PRKCA: variants seen among roughly 807,000 people sequenced by gnomAD.
The protein encoded by PRKCA is protein kinase C alpha.
In PRKCA, 27 loss-of-function variants were observed where a neutral mutation model predicts 87.0. The observed-to-expected ratio is 0.31, with a 90% CI of 0.23 to 0.43. The LOEUF (loss-of-function observed/expected upper bound fraction) is 0.43, where lower values mean the gene tolerates loss of function less well. Ranked by LOEUF, PRKCA falls within the 20% of genes least tolerant of loss-of-function variation. The pLI, the probability that PRKCA is intolerant of heterozygous loss-of-function variation, is 1.00. For synonymous variants in PRKCA, 329 were observed against 311.1 expected (o/e 1.06, Z -0.61); for missense variants, 518 against 852.3 (o/e 0.61, Z 4.88).
At chr17:66,521,271 A>G (rs1052792260) in intron 3 of PRKCA, among the ~76,000 whole-genome samples, 2 of 152,210 alleles carry the variant, frequency 1.3e-5, no homozygotes, top group African/African-American at 4.8e-5. Flanking sequence ...GTAGAAGTCC[A>G]AAGATGGTAA....
intron 3 of PRKCA, among the ~76,000 whole-genome samples, chr17:66,502,079 A>G (rs556515232): frequency 6.6e-6 from 1 of 152,218 alleles, no homozygotes; most frequent in South Asian, 2.1e-4. Context: ...CTGTTCTTAG[A>G]AGAGTTTCTA....
chr17:66,765,163 C>G (rs1290840415), intron 13 of PRKCA, among the ~76,000 whole-genome samples: 1 of 152,006 alleles, frequency 6.6e-6, no homozygotes, highest in Admixed American at 6.6e-5. Context: ...CCTGTAATCC[C>G]AGCGCTTTGG....
intron 3 of PRKCA, among the ~76,000 whole-genome samples, chr17:66,596,589 TTTTA>T (rs1969986911): frequency 6.8e-6 from 1 of 147,710 alleles, no homozygotes; most frequent in African/African-American, 2.5e-5. Context: ...TTTTTTTTTT[TTTTA>T]TTATACTCTA....
At chr17:66,439,178 CT>C (rs1913578132) in intron 2 of PRKCA, among the ~76,000 whole-genome samples, 1 of 146,680 alleles carries the variant, frequency 6.8e-6, no homozygotes, top group South Asian at 2.2e-4. Flanking sequence ...ACCCACTTTT[CT>C]TTTCTTTCTT....
chr17:66,802,641 C>T (rs987780562), intron 16 of PRKCA, among the ~76,000 whole-genome samples: 5 of 152,170 alleles, frequency 3.3e-5, no homozygotes, highest in South Asian at 2.1e-4. Context: ...ACTAGCAGCA[C>T]GTGCTGGCCT....
At chr17:66,468,386 A>G (rs1019142129) in intron 2 of PRKCA, among the ~76,000 whole-genome samples, 32 of 152,292 alleles carry the variant, frequency 2.1e-4, no homozygotes, top group African/African-American at 7.7e-4. Context: ...TGTGGGAGGC[A>G]CACATTTGCT....
At chr17:66,617,958 C>G (rs1970559874) in intron 3 of PRKCA, among the ~76,000 whole-genome samples, 1 of 152,140 alleles carries the variant, frequency 6.6e-6, no homozygotes, top group South Asian at 2.1e-4. Context: ...TTAGTTGCCC[C>G]AACGTGGTGC....
At chr17:66,682,640 G>A (rs1212255505) in intron 5 of PRKCA, among the ~76,000 whole-genome samples, 1 of 152,228 alleles carries the variant, frequency 6.6e-6, no homozygotes, top group Non-Finnish European at 1.5e-5. Context: ...TGAAAGTTGA[G>A]TTGGCATGAT....
intron 13 of PRKCA, among the ~76,000 whole-genome samples, chr17:66,761,657 C>T (rs949843880): frequency 1.3e-5 from 2 of 151,860 alleles, no homozygotes; most frequent in Non-Finnish European, 2.9e-5. Context: ...CTCCTGACCT[C>T]AAGTAATCTG....
intron 2 of PRKCA, among the ~76,000 whole-genome samples, chr17:66,311,387 G>A (rs1024405006): frequency 1.3e-5 from 2 of 152,108 alleles, no homozygotes; most frequent in African/African-American, 2.4e-5. Flanking sequence ...AGGTTGAGGC[G>A]GTCGAATTGC....
In PRKCA at chr17:66,324,835, G is replaced by T. The variant is rs898321939; in HGVS notation, c.205+18708G>T. 5.3e-5 allele frequency among the ~76,000 whole-genome samples: 8 copies of T among 152,150 alleles called. 1 individual carries two copies. Among genetic ancestry groups the T allele is most frequent in the Admixed American group, 5.2e-4 (8 of 15,270 alleles). ...TGGCAGATAACACTCATTAGTCACG[G>T]TCTTCATTCAGCTTCAGAATTCTTC... On this transcript the variant is annotated intron_variant, in intron 2 of 16. Coordinates refer to ENST00000413366, the MANE Select transcript of PRKCA (RefSeq NM_002737.3).
intron 3 of PRKCA, among the ~76,000 whole-genome samples, chr17:66,536,748 G>A (rs531146537): frequency 3.9e-5 from 6 of 152,302 alleles, no homozygotes; most frequent in Admixed American, 6.5e-5. Flanking sequence ...CTCTTCTCCC[G>A]TGGGAATTGC....
intron 3 of PRKCA, among the ~76,000 whole-genome samples, chr17:66,558,343 T>C (rs911362950): frequency 6.6e-6 from 1 of 152,350 alleles, no homozygotes. Flanking sequence ...CAGTAGGTGC[T>C]ATGTAGGCGA....
At chr17:66,309,720 G>GT (rs1904999722) in intron 2 of PRKCA, among the ~76,000 whole-genome samples, 2 of 152,096 alleles carry the variant, frequency 1.3e-5, no homozygotes, top group Admixed American at 1.3e-4. Flanking sequence ...TTGGTTGAAT[G>GT]TTTTTTTGCT....
intron 3 of PRKCA, among the ~76,000 whole-genome samples, chr17:66,607,688 C>T (rs923817038): frequency 2.0e-5 from 3 of 152,116 alleles, no homozygotes; most frequent in African/African-American, 7.2e-5. Context: ...AGATTCCACC[C>T]TCTGTTAGCT....
rs147252625 is a variant in PRKCA at position 66,740,564 on chromosome 17, A to C, written c.1323-1095A>C. On this transcript the variant is annotated intron_variant, in intron 11 of 16. Coordinates refer to ENST00000413366, the MANE Select transcript of PRKCA (RefSeq NM_002737.3). ...GCAGAATAGGGAAATCTTTGGTTGC[A>C]AGCTTTAAAAGTGTGAAGGGGGATT... Among the ~76,000 whole-genome samples the C allele has an allele frequency of 6.0e-3, 908 of 152,286 alleles. 13 individuals carry two copies. The highest frequency in any genetic ancestry group is 0.021 in the African/African-American group (866 of 41,542).
intron 2 of PRKCA, among the ~76,000 whole-genome samples, chr17:66,490,395 G>C (rs934524626): frequency 6.7e-6 from 1 of 149,986 alleles, no homozygotes; most frequent in Non-Finnish European, 1.5e-5. Flanking sequence ...CCATGCTGGA[G>C]TGCAATGGCA....
chr17:66,708,571 A>G (rs965974570), intron 8 of PRKCA, among the ~76,000 whole-genome samples: 3 of 152,208 alleles, frequency 2.0e-5, no homozygotes, highest in African/African-American at 7.2e-5. Flanking sequence ...CAATTGTATC[A>G]AGGTGTCTCT....
Position 66,454,891 on chromosome 17 carries a change from C to T in PRKCA, c.206-41310C>T, listed in dbSNP as rs374570299. Among the ~76,000 whole-genome samples, 72 of 152,352 alleles carry T rather than the reference C, an allele frequency of 4.7e-4. 1 individual carries two copies. Among genetic ancestry groups the T allele is most frequent in the African/African-American group, 1.6e-3 (68 of 41,586 alleles). ...GCTTCTACTGGAGATTCCTTCCTTT[C>T]TCCTTTTTACTCTGTGCAATTGTGG... On this transcript the variant is annotated intron_variant, in intron 2 of 16. Coordinates refer to ENST00000413366, the MANE Select transcript of PRKCA (RefSeq NM_002737.3).
Sources: gnomAD v4.1 joint callset for allele counts (sites outside exome capture counted in the v4.1 genomes callset) on GRCh38, gnomAD v4.1.1 for gene constraint, MANE v1.5 for transcripts, NCBI Gene and HGNC (gene_info 2026-07-23, HGNC 2026-07-21) for gene names.